Variants in MGMT observed in about 807,000 individuals in gnomAD.
The protein encoded by MGMT is O-6-methylguanine-DNA methyltransferase.
Under a neutral mutation model 15.9 loss-of-function variants are expected in MGMT, and 14 were observed. The observed-to-expected ratio is 0.88, with a 90% CI of 0.58 to 1.37. The LOEUF is 1.37. MGMT is among the 40% of genes most tolerant of loss of function. The probability of loss-of-function intolerance (pLI) is 0.00; values close to 1 mark genes in which losing one functional copy is unlikely to be tolerated. For synonymous variants in MGMT, 130 were observed against 118.2 expected, an observed-to-expected ratio of 1.10 and a Z score of -0.65; for missense variants, 282 against 268.1, an observed-to-expected ratio of 1.05 and a Z score of -0.36.
chr10:129,653,647 G>A (rs963857795), intron 2 of MGMT, among the ~76,000 whole-genome samples: 5 of 152,214 alleles, frequency 3.3e-5, no homozygotes, highest in Middle Eastern at 3.2e-3. Context: ...CCTATGAGAT[G>A]TCTCAGGCAG....
In MGMT at chr10:129,722,860, G is replaced by A. The variant is rs184991194; in HGVS notation, c.274+14817G>A. Among the ~76,000 whole-genome samples the A allele has an allele frequency of 1.6e-3, 238 of 152,090 alleles. 3 individuals are homozygous for A. The Middle Eastern group carries it at 0.027, about 18-fold the overall frequency. The stretch of plus-strand genomic sequence containing the variant: ...GTCTCTACTAAAAACACAAAAAACA[G>A]CCAAGCATGGTGGTGCACACCTGTA... On this transcript the variant is annotated intron_variant, in intron 3 of 4. Coordinates refer to ENST00000651593, the MANE Select transcript of MGMT (RefSeq NM_002412.5).
intron 2 of MGMT, among the ~76,000 whole-genome samples, chr10:129,590,315 A>G (rs1846667921): frequency 6.6e-6 from 1 of 152,216 alleles, no homozygotes; most frequent in Non-Finnish European, 1.5e-5. Flanking sequence ...GTAAACCAAG[A>G]TGTGCTTATA....
At chr10:129,481,211 T>G (rs1212985809) in intron 1 of MGMT, among the ~76,000 whole-genome samples, 1 of 152,254 alleles carries the variant, frequency 6.6e-6, no homozygotes, top group Non-Finnish European at 1.5e-5. Context: ...AGGTGCCCTT[T>G]AGCAGATGGG....
chr10:129,505,986 G>A (rs1402871347), intron 1 of MGMT, among the ~76,000 whole-genome samples: 1 of 151,050 alleles, frequency 6.6e-6, no homozygotes. Flanking sequence ...CTGCAGAGTG[G>A]TCTCTCGTCT....
At chr10:129,644,362 C>A (rs985148794) in intron 2 of MGMT, among the ~76,000 whole-genome samples, 13 of 152,208 alleles carry the variant, frequency 8.5e-5, no homozygotes, top group African/African-American at 3.1e-4. Context: ...AAATGAAGTC[C>A]AGGGTGCTGG....
At chr10:129,486,167 CTT>C (rs1468713170) in intron 1 of MGMT, among the ~76,000 whole-genome samples, 1 of 140,096 alleles carries the variant, frequency 7.1e-6, no homozygotes, top group African/African-American at 2.7e-5. Flanking sequence ...TCTCTGTTCT[CTT>C]CTCTTCTCTT....
chr10:129,734,809 T>C (rs1848541848), intron 3 of MGMT, among the ~76,000 whole-genome samples: 1 of 152,200 alleles, frequency 6.6e-6, no homozygotes, highest in South Asian at 2.1e-4. Context: ...TCTGCATCTA[T>C]TGAGATAATC....
intron 4 of MGMT, among the ~76,000 whole-genome samples, chr10:129,761,097 G>A (rs1453471130): frequency 6.6e-6 from 1 of 152,156 alleles, no homozygotes; most frequent in East Asian, 1.9e-4. Context: ...CAATTTTGAG[G>A]TGTTCAACCT....
At chr10:129,485,403 C>T (rs1008153131) in intron 1 of MGMT, among the ~76,000 whole-genome samples, 28 of 152,318 alleles carry the variant, frequency 1.8e-4, no homozygotes, top group Middle Eastern at 3.4e-3. Flanking sequence ...CGTTCTCTGG[C>T]GGCTGGCTCA....
At chr10:129,565,916 G>A (rs907312669) in intron 2 of MGMT, among the ~76,000 whole-genome samples, 6 of 152,202 alleles carry the variant, frequency 3.9e-5, no homozygotes, top group Middle Eastern at 3.4e-3. Flanking sequence ...GGACCGGAGC[G>A]TCTTTAGAGT....
At chr10:129,589,122 T>TG (rs1846651764) in intron 2 of MGMT, among the ~76,000 whole-genome samples, 1 of 152,236 alleles carries the variant, frequency 6.6e-6, no homozygotes, top group South Asian at 2.1e-4. Flanking sequence ...ACAGGCCATT[T>TG]GGAGCACCAG....
chr10:129,657,729 C>CACACACACACACACACACACACACACA (rs1564750921), intron 2 of MGMT, among the ~76,000 whole-genome samples: 4 of 122,292 alleles, frequency 3.3e-5, no homozygotes, highest in Admixed American at 7.9e-5. Flanking sequence ...ACACACACAC[C>CACACACACACACACACACACACACACA]CCCTCTCCCC....
chr10:129,469,420 T>G (rs1174650672), intron 1 of MGMT, among the ~76,000 whole-genome samples: 1 of 152,246 alleles, frequency 6.6e-6, no homozygotes, highest in East Asian at 1.9e-4. Flanking sequence ...AAACTGAATT[T>G]TCTGCATTAT....
intron 2 of MGMT, among the ~76,000 whole-genome samples, chr10:129,635,006 G>A (rs1033031964): frequency 3.3e-5 from 5 of 152,130 alleles, no homozygotes; most frequent in Non-Finnish European, 5.9e-5. Context: ...GACTCTTTTG[G>A]GTCTTGCTTT....
intron 2 of MGMT, among the ~76,000 whole-genome samples, chr10:129,550,603 C>G (rs1055024391): frequency 2.6e-5 from 4 of 152,024 alleles, no homozygotes; most frequent in African/African-American, 7.2e-5. Context: ...CACGCCACCA[C>G]GCCCAGCTAA....
At chr10:129,680,884 G>A (rs921929772) in intron 2 of MGMT, among the ~76,000 whole-genome samples, 7 of 152,184 alleles carry the variant, frequency 4.6e-5, no homozygotes, top group East Asian at 3.9e-4. Context: ...CCTTGGGCAC[G>A]CTGTGTGGAC....
chr10:129,717,600 T>G (rs1242314105), intron 3 of MGMT: 2 of 152,186 alleles, frequency 1.3e-5, no homozygotes, highest in African/African-American at 4.8e-5. Flanking sequence ...TTTTTTTCTG[T>G]CTTCTTTTTA....
intron 3 of MGMT, among the ~76,000 whole-genome samples, chr10:129,735,495 T>A (rs11527783): frequency 0.24 from 37,197 of 152,022 alleles, 5,237 homozygotes; most frequent in East Asian, 0.43. Flanking sequence ...ATTTTGTTGA[T>A]CCTTTCAAAA....
At chr10:129,684,227 T>C (rs1847882426) in intron 2 of MGMT, among the ~76,000 whole-genome samples, 1 of 152,220 alleles carries the variant, frequency 6.6e-6, no homozygotes, top group South Asian at 2.1e-4. Context: ...TTTTTTAGTG[T>C]TGTATTTGTG....
Sources: allele counts gnomAD v4.1 joint callset (sites outside exome capture counted in the v4.1 genomes callset), GRCh38; gene constraint gnomAD v4.1.1; transcripts MANE v1.5; gene names NCBI Gene and HGNC (gene_info 2026-07-23, HGNC 2026-07-21).